The following TAF1B variants were observed in gnomAD, a reference collection of about 807,000 sequenced individuals.
TAF1B encodes TATA-box binding protein associated factor, RNA polymerase I subunit B, also known as TATA box-binding protein-associated factor RNA polymerase I subunit B.
TAF1B carries 61 observed loss-of-function variants against 83.9 expected under a neutral mutation model. The observed-to-expected ratio is 0.73, with a 90% CI of 0.59 to 0.90. The LOEUF is 0.90. Among genes scored for constraint, TAF1B ranks in the 40% least tolerant of loss-of-function variants. The pLI is 0.00. For missense variants in TAF1B, 625 were observed against 677.0 expected, an observed-to-expected ratio of 0.92 and a Z score of 0.85; for synonymous variants, 221 against 224.6, an observed-to-expected ratio of 0.98 and a Z score of 0.14.
At chr2:9,854,491 A>G (rs1002393542) in intron 5 of TAF1B, 70 bp downstream of exon 5, 2 of 1,140,330 alleles carry the variant, frequency 1.8e-6, no homozygotes, top group African/African-American at 1.5e-5. Flanking sequence ...AGATGGGTTC[A>G]TGACCAGTTT....
chr2:9,852,193 ATG>A, intron 4 of TAF1B: 1 of 309,810 alleles, frequency 3.2e-6, no homozygotes, highest in South Asian at 3.0e-5. Context: ...GAGCCCAAGA[ATG>A]TGCATTTCTA....
At chr2:9,890,115 TCTG>T (rs1464690217) in intron 8 of TAF1B, among the ~76,000 whole-genome samples, 4 of 152,214 alleles carry the variant, frequency 2.6e-5, no homozygotes. Context: ...CCCTGTCTCC[TCTG>T]CTCATCAAGA....
At chr2:9,921,124 C>A (rs572550268) in intron 14 of TAF1B, among the ~76,000 whole-genome samples, 1 of 152,238 alleles carries the variant, frequency 6.6e-6, no homozygotes, top group African/African-American at 2.4e-5. Context: ...TGAGGTCTTG[C>A]TGTGTCACCC....
chr2:9,883,370 T>C (rs1220453793), intron 8 of TAF1B, among the ~76,000 whole-genome samples: 2 of 152,234 alleles, frequency 1.3e-5, no homozygotes, highest in African/African-American at 2.4e-5. Flanking sequence ...ATGTACTAAA[T>C]GTTAAAGATT....
chr2:9,894,747 T>TGTTA (rs56139171), intron 8 of TAF1B, among the ~76,000 whole-genome samples: 42,263 of 151,864 alleles, frequency 0.28, 6,826 homozygotes, highest in Middle Eastern at 0.41. Context: ...GGGAACCTGG[T>TGTTA]GTTACACTAG....
intron 8 of TAF1B, among the ~76,000 whole-genome samples, chr2:9,895,821 T>C (rs1665001490): frequency 6.6e-6 from 1 of 150,424 alleles, no homozygotes; most frequent in South Asian, 2.1e-4. Context: ...CTCTTTTTTT[T>C]TTTTTTTTTT....
intron 8 of TAF1B, among the ~76,000 whole-genome samples, chr2:9,903,079 A>AATTTT (rs949706281): frequency 1.8e-4 from 27 of 151,992 alleles, no homozygotes; most frequent in Admixed American, 3.3e-4. Flanking sequence ...CTCTAAACTA[A>AATTTT]ATTTTATTTT....
intron 6 of TAF1B, chr2:9,868,904 G>C: frequency 3.0e-6 from 1 of 335,798 alleles, no homozygotes; most frequent in Non-Finnish European, 5.8e-6. Flanking sequence ...AAATAAATAA[G>C]GAATGTATTT....
chr2:9,852,015 G>A (rs747862062), intron 4 of TAF1B: 2 of 475,468 alleles, frequency 4.2e-6, no homozygotes, highest in Non-Finnish European at 8.7e-6. Context: ...ATCGTTTGGT[G>A]TATGTACATA....
At chr2:9,893,772 T>C (rs1004747808) in intron 8 of TAF1B, among the ~76,000 whole-genome samples, 1 of 149,788 alleles carries the variant, frequency 6.7e-6, no homozygotes, top group Non-Finnish European at 1.5e-5. Flanking sequence ...AAAAGGCAAG[T>C]TAACAATGAG....
intron 7 of TAF1B, among the ~76,000 whole-genome samples, chr2:9,881,985 G>A (rs1414909560): frequency 6.6e-6 from 1 of 152,104 alleles, no homozygotes; most frequent in Non-Finnish European, 1.5e-5. Context: ...GATCAAGGTA[G>A]ACCTCCTTGA....
intron 8 of TAF1B, among the ~76,000 whole-genome samples, chr2:9,883,017 T>C (rs1664561036): frequency 6.6e-6 from 1 of 152,236 alleles, no homozygotes; most frequent in Non-Finnish European, 1.5e-5. Context: ...AAAATATAGC[T>C]GTAGTGTGAT....
chr2:9,873,488 C>T (rs1664230721), intron 6 of TAF1B, among the ~76,000 whole-genome samples: 1 of 152,158 alleles, frequency 6.6e-6, no homozygotes, highest in Non-Finnish European at 1.5e-5. Flanking sequence ...AAATTCCTAT[C>T]TCTAGTCCCA....
intron 9 of TAF1B, 54 bp from the exon 10 acceptor site, chr2:9,910,682 A>C (rs1377147489): frequency 2.0e-6 from 3 of 1,511,622 alleles, no homozygotes; most frequent in African/African-American, 1.4e-5. Context: ...GGATATATAC[A>C]TTGGGGATGG....
At chr2:9,870,556 CT>C (rs1664136127) in intron 6 of TAF1B, among the ~76,000 whole-genome samples, 1 of 152,176 alleles carries the variant, frequency 6.6e-6, no homozygotes, top group African/African-American at 2.4e-5. Flanking sequence ...ATTTTCAACT[CT>C]TTTGTGACTT....
chr2:9,856,983 C>T lies in TAF1B; in HGVS notation c.399+2562C>T, dbSNP rs186494209. ...TTGAGAACAGTAAGAGGCCTGGTCC[C>T]TGCTTTTGAGCTGTATTATCTTGGG... On this transcript the variant is annotated intron_variant, in intron 5 of 14. Coordinates refer to ENST00000263663, the MANE Select transcript of TAF1B (RefSeq NM_005680.3). Among the ~76,000 whole-genome samples, 151 of 152,288 alleles carry T rather than the reference C, an allele frequency of 9.9e-4. 1 individual carries two copies. The Middle Eastern group carries it at 0.01, about 10-fold the overall frequency.
intron 7 of TAF1B, among the ~76,000 whole-genome samples, chr2:9,878,520 C>T (rs896623713): frequency 2.3e-4 from 35 of 152,292 alleles, no homozygotes; most frequent in African/African-American, 7.7e-4. Flanking sequence ...CTGTGCATGT[C>T]ACTCCCTTTT....
rs182036410 is a variant in TAF1B, at chr2:9,928,351, T to G, written c.1566-5432T>G. On this transcript the variant is annotated intron_variant, in intron 14 of 14. Transcript: ENST00000263663. ...AGGATTGTTTTGGCAATGCGGGCTC[T>G]TTTTTGGTTCCATATGAACTTTAGT... Among the ~76,000 whole-genome samples, 5 of 152,330 alleles carry G rather than the reference T, an allele frequency of 3.3e-5. No homozygotes were observed. In the East Asian group the frequency reaches 9.6e-4, roughly 29 times the overall value.
At position 9,856,305 on chromosome 2, in the gene TAF1B, A is replaced by G. The variant is rs568341186; in HGVS notation, c.399+1884A>G. Reference sequence around the variant, plus strand: ...GGGGCCAACCTGAGAAAGCTAACTGAAAAAAAAAAAAGGCAGGGGAATAAC... The same window carrying G: ...GGGGCCAACCTGAGAAAGCTAACTGGAAAAAAAAAAAGGCAGGGGAATAAC... On this transcript the variant is annotated intron_variant, in intron 5 of 14. Coordinates refer to ENST00000263663, the MANE Select transcript of TAF1B (RefSeq NM_005680.3). Among the ~76,000 whole-genome samples, 350 of 144,476 alleles carry G rather than the reference A, an allele frequency of 2.4e-3. 2 individuals carry two copies. Among genetic ancestry groups the G allele is most frequent in the Non-Finnish European group, 4.0e-3 (260 of 65,378 alleles). 94.8% of individuals were successfully genotyped at this position (144,476 alleles called of 152,430 possible).
Sources: gnomAD v4.1 joint callset for allele counts (sites outside exome capture counted in the v4.1 genomes callset) on GRCh38, gnomAD v4.1.1 for gene constraint, MANE v1.5 for transcripts, NCBI Gene and HGNC (gene_info 2026-07-23, HGNC 2026-07-21) for gene names.